PLCL1: variants seen among roughly 807,000 people sequenced by gnomAD.
PLCL1 encodes the protein phospholipase C like 1 (inactive).
A neutral mutation model predicts 84.4 loss-of-function variants in PLCL1; 41 were observed. The observed-to-expected ratio is 0.49, with a 90% CI of 0.38 to 0.63. The LOEUF is 0.63. PLCL1 is among the 30% of genes least tolerant of loss of function. PLCL1 has a pLI of 0.00. For missense variants in PLCL1, 1,206 were observed against 1,367.8 expected (o/e 0.88, Z 1.87); for synonymous variants, 490 against 488.3 (o/e 1.00, Z -0.05).
At chr2:197,915,533 T>A (rs1688579211) in intron 1 of PLCL1, among the ~76,000 whole-genome samples, 1 of 152,090 alleles carries the variant, frequency 6.6e-6, no homozygotes, top group Non-Finnish European at 1.5e-5. Flanking sequence ...TTTTTTTTTT[T>A]TTTGAAGTCC....
intron 1 of PLCL1, among the ~76,000 whole-genome samples, chr2:198,078,952 C>A (rs557013542): frequency 1.3e-5 from 2 of 152,046 alleles, no homozygotes; most frequent in African/African-American, 4.8e-5. Flanking sequence ...ATAACCATTT[C>A]TAAGTGTATA....
intron 1 of PLCL1, among the ~76,000 whole-genome samples, chr2:197,830,911 C>G (rs983678733): frequency 4.6e-5 from 7 of 152,110 alleles, no homozygotes; most frequent in Non-Finnish European, 1.0e-4. Flanking sequence ...CATATCCAGC[C>G]AAACTAAGCT....
At chr2:197,987,365 G>A (rs1574985380) in intron 1 of PLCL1, among the ~76,000 whole-genome samples, 1 of 152,302 alleles carries the variant, frequency 6.6e-6, no homozygotes, top group Non-Finnish European at 1.5e-5. Flanking sequence ...GCCACACTGT[G>A]CCCACATTCA....
At chr2:198,060,870 A>G (rs1692180518) in intron 1 of PLCL1, among the ~76,000 whole-genome samples, 1 of 152,190 alleles carries the variant, frequency 6.6e-6, no homozygotes, top group Non-Finnish European at 1.5e-5. Flanking sequence ...AGTAAAATGA[A>G]CATAAGGAAT....
chr2:197,910,880 A>C (rs890156603), intron 1 of PLCL1, among the ~76,000 whole-genome samples: 1 of 152,198 alleles, frequency 6.6e-6, no homozygotes, highest in Non-Finnish European at 1.5e-5. Context: ...ATTGTTCTAT[A>C]AAATGTAAGA....
chr2:197,828,429 A>AT (rs1690979928), intron 1 of PLCL1, among the ~76,000 whole-genome samples: 1 of 152,054 alleles, frequency 6.6e-6, no homozygotes, highest in African/African-American at 2.4e-5. Context: ...CAAAGTTTTG[A>AT]TTTTTTGCTA....
At chr2:198,082,829 A>C (rs1692757245) in intron 1 of PLCL1, among the ~76,000 whole-genome samples, 1 of 152,168 alleles carries the variant, frequency 6.6e-6, no homozygotes, top group Admixed American at 6.5e-5. Context: ...CAAGAAGGAA[A>C]CAGCCTCAAA....
chr2:197,975,269 C>G (rs1689955572), intron 1 of PLCL1, among the ~76,000 whole-genome samples: 1 of 122,806 alleles, frequency 8.1e-6, no homozygotes. Context: ...AAAACCCCTG[C>G]AAGGTAGGTA....
intron 1 of PLCL1, among the ~76,000 whole-genome samples, chr2:197,935,956 T>G (rs1689044064): frequency 6.6e-6 from 1 of 152,170 alleles, no homozygotes; most frequent in Non-Finnish European, 1.5e-5. Flanking sequence ...ACTTCTAAAG[T>G]TCAGCTTTTT....
intron 1 of PLCL1, among the ~76,000 whole-genome samples, chr2:197,852,954 A>G (rs2105684207): frequency 6.6e-6 from 1 of 152,258 alleles, no homozygotes; most frequent in South Asian, 2.1e-4. Context: ...AACCATTACC[A>G]TCCATCTCCA....
At chr2:197,811,200 C>G (rs986749426) in intron 1 of PLCL1, among the ~76,000 whole-genome samples, 2 of 152,188 alleles carry the variant, frequency 1.3e-5, no homozygotes, top group Admixed American at 1.3e-4. Context: ...TTATACTAAA[C>G]TGACAATAAC....
intron 1 of PLCL1, among the ~76,000 whole-genome samples, chr2:197,821,709 C>T (rs1166029972): frequency 2.6e-5 from 4 of 152,064 alleles, no homozygotes; most frequent in African/African-American, 9.7e-5. Context: ...CCCATTGGCC[C>T]AGTGGTCATA....
At chr2:198,145,392 G>A (rs1264607673) in intron 5 of PLCL1, among the ~76,000 whole-genome samples, 4 of 152,124 alleles carry the variant, frequency 2.6e-5, no homozygotes, top group Middle Eastern at 3.2e-3. Flanking sequence ...CATGGTGTGG[G>A]GAATAGAGCA....
intron 1 of PLCL1, among the ~76,000 whole-genome samples, chr2:197,929,435 C>T (rs1559048136): frequency 6.6e-6 from 1 of 152,120 alleles, no homozygotes; most frequent in Non-Finnish European, 1.5e-5. Context: ...CAGGAAGGCT[C>T]CTGCTCTTCA....
intron 1 of PLCL1, among the ~76,000 whole-genome samples, chr2:197,995,423 A>G (rs564806561): frequency 2.6e-5 from 4 of 152,256 alleles, no homozygotes; most frequent in South Asian, 4.1e-4. Flanking sequence ...ATCGCCATCC[A>G]ATGGAAAGGA....
At position 198,146,826 on chromosome 2, in the gene PLCL1, A is replaced by G; in HGVS notation, c.3152A>G (p.Asn1051Ser). Residue 1051 changes from asparagine (N) to serine (S), a missense_variant, in exon 6 of 6, where the codon AAC (asparagine) becomes AGC (serine). Asn to Ser is a conservative substitution (Grantham distance 46, BLOSUM62 1). Coordinates refer to ENST00000428675, the MANE Select transcript of PLCL1 (RefSeq NM_006226.4). ...AATGCCAAGAATGAAGCTATAGAAAACATGAAGCAGATCCAGCTGGCATGC... is the reference window on the plus strand; with the variant it reads ...AATGCCAAGAATGAAGCTATAGAAAGCATGAAGCAGATCCAGCTGGCATGC... ...LKNAKNEAIENMKQIQLACLS... is the reference protein window; with the variant it reads ...LKNAKNEAIESMKQIQLACLS... 1 of 1,613,450 alleles carries G rather than the reference A, an allele frequency of 6.2e-7. No individual in the cohort carries two copies. The highest frequency in any genetic ancestry group is 8.5e-7 in the Non-Finnish European group (1 of 1,179,676).
intron 1 of PLCL1, among the ~76,000 whole-genome samples, chr2:198,019,665 A>G (rs1691086733): frequency 6.6e-6 from 1 of 152,242 alleles, no homozygotes; most frequent in Admixed American, 6.5e-5. Context: ...AATGAAATAA[A>G]GCATGAAGAC....
chr2:197,995,765 T>TG (rs879862131), intron 1 of PLCL1, among the ~76,000 whole-genome samples: 33 of 152,106 alleles, frequency 2.2e-4, no homozygotes, highest in Non-Finnish European at 3.7e-4. Context: ...AATCACTTAA[T>TG]GGGGGGGCGT....
intron 1 of PLCL1, among the ~76,000 whole-genome samples, chr2:197,981,108 A>G (rs1332575304): frequency 6.6e-6 from 1 of 152,208 alleles, no homozygotes; most frequent in Non-Finnish European, 1.5e-5. Context: ...TGCAAGTTGC[A>G]TTCACTAGCC....
Sources: allele counts gnomAD v4.1 joint callset (sites outside exome capture counted in the v4.1 genomes callset), GRCh38; gene constraint gnomAD v4.1.1; transcripts MANE v1.5; gene names NCBI Gene and HGNC (gene_info 2026-07-23, HGNC 2026-07-21).